The following CPNE4 variants were observed in gnomAD, a reference collection of about 807,000 sequenced individuals.
The protein encoded by CPNE4 is copine-4.
A neutral mutation model predicts 67.9 loss-of-function variants in CPNE4; 25 were observed. The ratio of observed to expected loss-of-function variants is 0.37; its 90% CI spans 0.27 to 0.51. The LOEUF (loss-of-function observed/expected upper bound fraction) is 0.51, where lower values mean the gene tolerates loss of function less well. Ranked by LOEUF, CPNE4 falls within the 20% of genes least tolerant of loss-of-function variation. CPNE4 has a pLI of 0.93. For synonymous variants in CPNE4, 242 were observed against 244.9 expected, an observed-to-expected ratio of 0.99 and a Z score of 0.11; for missense variants, 464 against 690.8, an observed-to-expected ratio of 0.67 and a Z score of 3.68.
chr3:132,017,393 G>A (rs1400620480), intron 1 of CPNE4: 1 of 152,016 alleles, frequency 6.6e-6, no homozygotes, highest in Non-Finnish European at 1.5e-5. Flanking sequence ...AAGAAAGGAT[G>A]AAAAGAAGAG....
intron 1 of CPNE4, among the ~76,000 whole-genome samples, chr3:131,919,492 A>G (rs2070681717): frequency 6.6e-6 from 1 of 152,216 alleles, no homozygotes; most frequent in African/African-American, 2.4e-5. Context: ...GTGAAGTTGA[A>G]AACCAGGCCA....
At chr3:131,907,144 A>G (rs926231203) in intron 1 of CPNE4, among the ~76,000 whole-genome samples, 2 of 152,150 alleles carry the variant, frequency 1.3e-5, no homozygotes, top group African/African-American at 2.4e-5. Context: ...AACACTTTGC[A>G]TCCCAGAGCC....
At chr3:131,870,108 A>T (rs4854842) in intron 2 of CPNE4, among the ~76,000 whole-genome samples, 60,480 of 151,658 alleles carry the variant, frequency 0.4, 12,286 homozygotes, top group Admixed American at 0.47. Flanking sequence ...AAAAAGAGGG[A>T]CCTCAGAAGA....
At chr3:131,983,409 C>T (rs1016482651) in intron 1 of CPNE4, among the ~76,000 whole-genome samples, 3 of 152,082 alleles carry the variant, frequency 2.0e-5, no homozygotes, top group African/African-American at 7.2e-5. Flanking sequence ...AAATTCCTTG[C>T]TACGACGTGG....
chr3:131,703,815 A>G (rs563481847), intron 3 of CPNE4, among the ~76,000 whole-genome samples: 2 of 152,332 alleles, frequency 1.3e-5, no homozygotes, highest in Admixed American at 1.3e-4. Flanking sequence ...TACAATGGTG[A>G]GTAGAAACAG....
At chr3:131,962,719 A>G in intron 1 of CPNE4, among the ~76,000 whole-genome samples, 1 of 130,218 alleles carries the variant, frequency 7.7e-6, no homozygotes, top group Non-Finnish European at 1.6e-5. Flanking sequence ...CATCTGTGGA[A>G]CCCCAGAAAC....
chr3:131,790,051 T>C (rs1427429728), intron 2 of CPNE4, among the ~76,000 whole-genome samples: 1 of 152,134 alleles, frequency 6.6e-6, no homozygotes, highest in African/African-American at 2.4e-5. Flanking sequence ...GGAGAGGAAA[T>C]CAAGGAGAAT....
chr3:131,837,819 A>G (rs542659928), intron 2 of CPNE4, among the ~76,000 whole-genome samples: 1 of 152,130 alleles, frequency 6.6e-6, no homozygotes, highest in East Asian at 1.9e-4. Context: ...GGTTATTTAT[A>G]TATGATGTTC....
At chr3:131,781,728 C>A (rs1278938614) in intron 2 of CPNE4, among the ~76,000 whole-genome samples, 1 of 152,078 alleles carries the variant, frequency 6.6e-6, no homozygotes, top group African/African-American at 2.4e-5. Flanking sequence ...ATCTTACAAA[C>A]TTTGGGGTTT....
chr3:131,535,198 T>C lies in CPNE4; in HGVS notation c.1671A>G (p.Pro557=), dbSNP rs757926280. 1.2e-6 allele frequency: 2 copies of C among 1,608,906 alleles called. No individual in the cohort carries two copies. The highest frequency in any genetic ancestry group is 3.4e-5 in the Admixed American group (2 of 58,574). The change falls in exon 16 of 16, where the codon CCA becomes CCG. Residue 557 remains proline, a synonymous_variant. Transcript: ENST00000429747. The stretch of plus-strand genomic sequence containing the variant: ...TCTGTAAAACTGTGTGGGGAGTTCA[T>C]GGTGCTAGTGTTCTGGAAGATTCAT... ...EMYESSRTLA[P]
At chr3:132,013,949 T>C (rs538490326) in intron 1 of CPNE4, among the ~76,000 whole-genome samples, 30 of 152,272 alleles carry the variant, frequency 2.0e-4, no homozygotes, top group African/African-American at 7.0e-4. Context: ...ATATAGGTGA[T>C]CAATAAGTAT....
chr3:131,544,647 T>A (rs4854651), intron 14 of CPNE4, among the ~76,000 whole-genome samples: 1 of 151,830 alleles, frequency 6.6e-6, no homozygotes, highest in African/African-American at 2.4e-5. Context: ...GTGATGGAGG[T>A]GGTAGGGAGG....
intron 1 of CPNE4, among the ~76,000 whole-genome samples, chr3:131,927,638 T>TAATC (rs1275549866): frequency 2.0e-5 from 3 of 152,226 alleles, no homozygotes; most frequent in Non-Finnish European, 2.9e-5. Flanking sequence ...ACTGATGAAT[T>TAATC]AATCAATCAA....
chr3:131,929,862 G>A (rs1030835379), intron 1 of CPNE4, among the ~76,000 whole-genome samples: 4 of 152,156 alleles, frequency 2.6e-5, no homozygotes, highest in Non-Finnish European at 5.9e-5. Context: ...TTGGCTGCCT[G>A]ACAAGATTCT....
chr3:131,850,259 T>A (rs968107068), intron 2 of CPNE4, among the ~76,000 whole-genome samples: 1 of 152,132 alleles, frequency 6.6e-6, no homozygotes, highest in Non-Finnish European at 1.5e-5. Flanking sequence ...GATGTAGGGT[T>A]ATGACATCTC....
chr3:131,858,334 TATTCTAATGAA>T, intron 2 of CPNE4, among the ~76,000 whole-genome samples: 1 of 151,608 alleles, frequency 6.6e-6, no homozygotes, highest in Non-Finnish European at 1.5e-5. Context: ...TTTTGTTCTC[TATTCTAATGAA>T]CTATAATTTA....
chr3:131,883,216 C>A (rs1457535456), intron 2 of CPNE4, among the ~76,000 whole-genome samples: 1 of 152,152 alleles, frequency 6.6e-6, no homozygotes, highest in African/African-American at 2.4e-5. Flanking sequence ...GAAGCATGTT[C>A]ATGGTAGAAT....
chr3:131,957,748 C>T (rs1299693327), intron 1 of CPNE4, among the ~76,000 whole-genome samples: 1 of 152,190 alleles, frequency 6.6e-6, no homozygotes, highest in Non-Finnish European at 1.5e-5. Flanking sequence ...CCTCTGTATT[C>T]AAGGAGCTTA....
At chr3:131,802,793 T>C (rs1328517652) in intron 2 of CPNE4, among the ~76,000 whole-genome samples, 3 of 152,202 alleles carry the variant, frequency 2.0e-5, no homozygotes, top group Admixed American at 6.5e-5. Flanking sequence ...GAAAACAGTA[T>C]ATTTTATGGA....
Sources: gnomAD v4.1 joint callset for allele counts (sites outside exome capture counted in the v4.1 genomes callset) on GRCh38, gnomAD v4.1.1 for gene constraint, MANE v1.5 for transcripts, NCBI Gene and HGNC (gene_info 2026-07-23, HGNC 2026-07-21) for gene names.